The following SLC66A1 variants were observed in gnomAD, a reference collection of about 807,000 sequenced individuals.
SLC66A1 encodes the protein solute carrier family 66 member 1, also known as lysosomal amino acid transporter 1 homolog.
Under a neutral mutation model 33.0 loss-of-function variants are expected in SLC66A1, and 23 were observed. The observed-to-expected ratio is 0.70, with a 90% CI of 0.50 to 0.99. The LOEUF is 0.99. SLC66A1 is among the 50% of genes least tolerant of loss of function. The pLI, the probability that SLC66A1 is intolerant of heterozygous loss-of-function variation, is 0.00. For missense variants in SLC66A1, 335 were observed against 383.6 expected (o/e 0.87, Z 1.06); for synonymous variants, 164 against 175.5 (o/e 0.93, Z 0.52).
chr1:19,317,760 A>C lies in SLC66A1; in HGVS notation c.83A>C (p.Glu28Ala). The C allele has an allele frequency of 6.2e-7, 1 of 1,614,124 alleles. No homozygotes were observed. Among genetic ancestry groups the C allele is most frequent in the Non-Finnish European group, 8.5e-7 (1 of 1,180,024 alleles). ...CAGTGGATATGGGATGTGTTGGGTG[A>C]ATGTGCCCAGGACGGCTGGGACGAG... is the stretch of plus-strand genomic sequence containing the variant. The part of the protein sequence containing the change: ...SIQWIWDVLG[E>A]CAQDGWDEAS... The change falls in exon 2 of 8, where the codon GAA (glutamate) becomes GCA (alanine). Residue 28 changes from glutamate (E) to alanine (A), a missense_variant. Glu to Ala is a moderately radical substitution (Grantham distance 107). Coordinates refer to ENST00000375153, the MANE Select transcript of SLC66A1 (RefSeq NM_001040125.2).
chr1:19,331,613 AC>A (rs1300046794), downstream of SLC66A1, among the ~76,000 whole-genome samples: 3 of 151,932 alleles, frequency 2.0e-5, no homozygotes, highest in East Asian at 5.8e-4. Context: ...AGGATAAGTT[AC>A]CCCCAGGCCC....
In SLC66A1 at chr1:19,317,692, A is replaced by G; in HGVS notation, c.15A>G (p.Lys5=). The G allele has an allele frequency of 1.9e-6, 3 of 1,614,038 alleles. No homozygotes were observed. The highest frequency in any genetic ancestry group is 2.5e-6 in the Non-Finnish European group (3 of 1,179,932). The change falls in exon 2 of 8, where the codon AAA becomes AAG. Residue 5 remains lysine (K), a synonymous_variant. Coordinates refer to ENST00000375153, the MANE Select transcript of SLC66A1 (RefSeq NM_001040125.2). MVWK[K]LGSRNFSSCP... Reference sequence around the variant, plus strand: ...CCTCCACAGCCATGGTCTGGAAGAAACTGGGCTCCCGCAACTTCTCCAGCT... The same window carrying G: ...CCTCCACAGCCATGGTCTGGAAGAAGCTGGGCTCCCGCAACTTCTCCAGCT...
intron 6 of SLC66A1, among the ~76,000 whole-genome samples, chr1:19,327,022 G>A (rs371950181): frequency 2.6e-5 from 4 of 152,274 alleles, no homozygotes; most frequent in East Asian, 1.9e-4. Flanking sequence ...ACGGTCTCCC[G>A]TGGACCTGGG....
chr1:19,319,605 G>GTTTTTTTTTTGTTTTTTTTGTTTTTTT (rs56769657), intron 2 of SLC66A1, among the ~76,000 whole-genome samples: 1 of 111,870 alleles, frequency 8.9e-6, no homozygotes, highest in African/African-American at 4.0e-5. Flanking sequence ...GCACATTCAT[G>GTTTTTTTTTTGTTTTTTTTGTTTTTTT]TTTTTTTTTT....
At chr1:19,327,503 C>G (rs2093874568) in intron 7 of SLC66A1, 91 bp downstream of exon 7, 1 of 1,435,378 alleles carries the variant, frequency 7.0e-7, no homozygotes, top group Non-Finnish European at 9.6e-7. Flanking sequence ...GTCTCTTCCT[C>G]CCTTCATCCA....
chr1:19,333,917 A>AC (rs1256220853), downstream of SLC66A1, among the ~76,000 whole-genome samples: 4 of 151,556 alleles, frequency 2.6e-5, no homozygotes, highest in East Asian at 7.7e-4. This position sits in a 1 kb window ranked among gnomAD's most constrained non-coding sequence, Gnocchi z 4.2. Flanking sequence ...ACAAAACAAA[A>AC]CAAAACAAAA....
chr1:19,331,163 C>T (rs774889599), downstream of SLC66A1, among the ~76,000 whole-genome samples: 8 of 152,184 alleles, frequency 5.3e-5, no homozygotes, highest in Non-Finnish European at 7.3e-5. Context: ...AGGCGCCTGC[C>T]GCCACGCTCA....
At position 19,327,220 on chromosome 1, in the gene SLC66A1, G is replaced by C. The variant is rs527810181; in HGVS notation, c.619-7G>C. ...GAGGTCTCTGACCTGACCTCCTCCT[G>C]CCCCAGTTCCTCCGGAAGTCCACCC... On this transcript the variant is annotated splice_region_variant and splice_polypyrimidine_tract_variant and intron_variant, in intron 6 of 7. Transcript: ENST00000375153. 6.2e-7 allele frequency: 1 copy of C among 1,612,068 alleles called. No homozygotes were observed. The highest frequency in any genetic ancestry group is 1.7e-5 in the Admixed American group (1 of 59,956).
chr1:19,333,923 CAAAACAAAACAA>C (rs2093898383), downstream of SLC66A1, among the ~76,000 whole-genome samples: 6 of 151,590 alleles, frequency 4.0e-5, no homozygotes, highest in Non-Finnish European at 5.9e-5. The surrounding 1 kb of genome is among the most constrained non-coding windows in gnomAD (Gnocchi z 4.2). Context: ...CAAAACAAAA[CAAAACAAAACAA>C]AACACAGGAA....
chr1:19,327,134 A>T (rs1368763756), intron 6 of SLC66A1, 93 bp from the exon 7 acceptor site: 2 of 1,265,434 alleles, frequency 1.6e-6, no homozygotes, highest in African/African-American at 3.0e-5. Context: ...GAGCAGGTGC[A>T]CTGTGGTGGG....
At chr1:19,325,301 CT>C (rs987550128) in intron 3 of SLC66A1, among the ~76,000 whole-genome samples, 193 bp from the exon 4 acceptor site, 4 of 152,234 alleles carry the variant, frequency 2.6e-5, no homozygotes, top group African/African-American at 9.6e-5. Flanking sequence ...TTTCCTGGGT[CT>C]TTCGCCCACC....
In SLC66A1 at chr1:19,321,486, T is replaced by C. The variant is rs1361976772; in HGVS notation, c.165-3147T>C. ...AGCCATTGTGCCCAGCATCTCTTGT[T>C]CTAAGTGTTACAAAGATGTAACTCT... On this transcript the variant is annotated intron_variant, in intron 2 of 7. Transcript: ENST00000375153. Among the ~76,000 whole-genome samples the C allele has an allele frequency of 1.3e-5, 2 of 149,846 alleles. 1 individual carries two copies. Among genetic ancestry groups the C allele is most frequent in the South Asian group, 4.2e-4 (2 of 4,814 alleles).
intron 2 of SLC66A1, among the ~76,000 whole-genome samples, chr1:19,322,016 T>C (rs2093840365): frequency 6.6e-6 from 1 of 152,222 alleles, no homozygotes; most frequent in African/African-American, 2.4e-5. Flanking sequence ...ACAGACACTG[T>C]CCTTGCCTTT....
intron 1 of SLC66A1, among the ~76,000 whole-genome samples, chr1:19,316,353 T>TGTGTGTG (rs2093805482): frequency 1.4e-5 from 2 of 144,818 alleles, no homozygotes; most frequent in East Asian, 2.1e-4. Flanking sequence ...TCTTTATGGT[T>TGTGTGTG]TGTGTGTGTG....
At chr1:19,316,955 G>GT (rs2093809556) in intron 1 of SLC66A1, among the ~76,000 whole-genome samples, 1 of 48,316 alleles carries the variant, frequency 2.1e-5, no homozygotes, top group Non-Finnish European at 3.6e-5. Context: ...GTCTTGTTAT[G>GT]TTGCCCAGGC....
chr1:19,331,555 C>T (rs2093892557), downstream of SLC66A1, among the ~76,000 whole-genome samples: 4 of 152,214 alleles, frequency 2.6e-5, no homozygotes, highest in Admixed American at 1.3e-4. Context: ...TCCCTTCTCA[C>T]CATCCTGAAT....
At chr1:19,318,985 G>C (rs1370594315) in intron 2 of SLC66A1, among the ~76,000 whole-genome samples, 1 of 152,076 alleles carries the variant, frequency 6.6e-6, no homozygotes, top group African/African-American at 2.4e-5. Context: ...AGTGTGTGGG[G>C]GTCAGGGAAG....
At position 19,325,601 on chromosome 1, in the gene SLC66A1, C is replaced by T. The variant is rs747492689; in HGVS notation, c.382+19C>T. On this transcript the variant is annotated intron_variant, in intron 4 of 7. Coordinates refer to ENST00000375153, the MANE Select transcript of SLC66A1 (RefSeq NM_001040125.2). ...TCTCTGTGTGAGTATGGGGACCGCT[C>T]TCTGTCAGATGCTCTACCAGCAGCA... 28 of 1,492,824 alleles carry T rather than the reference C, an allele frequency of 1.9e-5. No homozygotes were observed. Among genetic ancestry groups the T allele is most frequent in the Non-Finnish European group, 2.6e-5 (28 of 1,077,260 alleles). 92.5% of individuals were successfully genotyped at this position (1,492,824 alleles called of 1,614,324 possible).
intron 1 of SLC66A1, among the ~76,000 whole-genome samples, chr1:19,314,461 C>T (rs553717854): frequency 2.1e-4 from 32 of 152,184 alleles, no homozygotes; most frequent in Non-Finnish European, 3.5e-4. Context: ...GAGATGTGTC[C>T]ATTTCATTTC....
Sources: gnomAD v4.1 joint callset for allele counts (sites outside exome capture counted in the v4.1 genomes callset) on GRCh38, gnomAD v4.1.1 for gene constraint, Gnocchi (gnomAD v3.1) non-coding constraint, MANE v1.5 for transcripts, NCBI Gene and HGNC (gene_info 2026-07-23, HGNC 2026-07-21) for gene names.